The following RHCE variants were observed in gnomAD, a reference collection of about 807,000 sequenced individuals.
The protein encoded by RHCE is Rh blood group CcEe antigens.
RHCE carries 22 observed loss-of-function variants against 43.8 expected under a neutral mutation model. The ratio of observed to expected loss-of-function variants is 0.50; its 90% confidence interval spans 0.36 to 0.72. RHCE has a LOEUF of 0.72. Ranked by LOEUF, RHCE falls within the 30% of genes least tolerant of loss-of-function variation. The pLI, the probability that RHCE is intolerant of heterozygous loss-of-function variation, is 0.00. For missense variants in RHCE, 385 were observed against 525.4 expected, an observed-to-expected ratio of 0.73 and a Z score of 2.61; for synonymous variants, 156 against 210.7, an observed-to-expected ratio of 0.74 and a Z score of 2.25.
chr1:25,419,634 A>T (rs555254651), intron 1 of RHCE: 2 of 151,870 alleles, frequency 1.3e-5, no homozygotes, highest in East Asian at 1.9e-4. Flanking sequence ...CAATATTTTT[A>T]AAAAAGCAAA....
chr1:25,401,823 C>G (rs1473078151), intron 3 of RHCE, among the ~76,000 whole-genome samples: 1 of 152,120 alleles, frequency 6.6e-6, no homozygotes, highest in Non-Finnish European at 1.5e-5. Flanking sequence ...ACAGACCACA[C>G]TTTTGTAACC....
intron 7 of RHCE, among the ~76,000 whole-genome samples, chr1:25,381,285 A>G (rs971591169): frequency 2.0e-5 from 3 of 152,116 alleles, no homozygotes; most frequent in African/African-American, 7.2e-5. Flanking sequence ...CTTCAGTTCC[A>G]TCTGAGACCT....
In RHCE at chr1:25,362,602, A is replaced by AT. The variant is rs1190304945; in HGVS notation, c.1228-50dup. Reference sequence around the variant, plus strand: ...TTATTGCAGATGAACCCACATACTGATTTTGGCTTGATCTCTTGAAACAGC... The same window carrying AT: ...TTATTGCAGATGAACCCACATACTGATTTTTGGCTTGATCTCTTGAAACAGC... On this transcript the variant is annotated intron_variant, in intron 9 of 9. Coordinates refer to ENST00000294413, the MANE Select transcript of RHCE (RefSeq NM_020485.8). 4 of 1,347,848 alleles carry AT rather than the reference A, an allele frequency of 3.0e-6. No individual in the cohort carries two copies. The East Asian group carries it at 7.0e-5, about 24-fold the overall frequency. 83.5% of individuals were successfully genotyped at this position (1,347,848 alleles called of 1,614,324 possible). A position where few individuals can be genotyped will look rare whatever the true frequency, so the allele number is the denominator to read the frequency against.
At chr1:25,427,411 G>A (rs1032090375) in intron 2 of RHCE, among the ~76,000 whole-genome samples, 30 of 152,212 alleles carry the variant, frequency 2.0e-4, no homozygotes, top group African/African-American at 5.5e-4. Flanking sequence ...TTTGTAAAAT[G>A]GCCACTGCTG....
intron 7 of RHCE, among the ~76,000 whole-genome samples, chr1:25,382,824 C>G (rs1292971876): frequency 6.6e-6 from 1 of 152,144 alleles, no homozygotes; most frequent in Non-Finnish European, 1.5e-5. Flanking sequence ...TTGAGGACAA[C>G]ATTCATGAAT....
intron 2 of RHCE, among the ~76,000 whole-genome samples, chr1:25,426,960 G>A (rs1021131483): frequency 1.3e-5 from 2 of 152,128 alleles, no homozygotes; most frequent in Non-Finnish European, 2.9e-5. Flanking sequence ...TGGAGGCTGA[G>A]GCAGGAGAAT....
chr1:25,401,057 A>C (rs1296900079), intron 3 of RHCE, among the ~76,000 whole-genome samples: 1 of 152,198 alleles, frequency 6.6e-6, no homozygotes, highest in Middle Eastern at 3.2e-3. Context: ...CAGAAGCCAG[A>C]GTATCTTAAA....
intron 7 of RHCE, among the ~76,000 whole-genome samples, chr1:25,379,507 T>A (rs1270511594): frequency 1.7e-3 from 114 of 65,544 alleles, no homozygotes; most frequent in African/African-American, 3.9e-3. Context: ...TTTTTTTTTT[T>A]TTTTTTTTTT....
chr1:25,376,532 A>T (rs1422966345), intron 7 of RHCE, among the ~76,000 whole-genome samples: 1 of 152,214 alleles, frequency 6.6e-6, no homozygotes, highest in African/African-American at 2.4e-5. Flanking sequence ...CTGATTGTTC[A>T]TTATAAAGTG....
chr1:25,383,180 T>C (rs970819539), intron 7 of RHCE, among the ~76,000 whole-genome samples: 2 of 152,222 alleles, frequency 1.3e-5, no homozygotes, highest in African/African-American at 4.8e-5. Context: ...TTCAATGCCA[T>C]TTCAGTGTGC....
At chr1:25,399,818 C>T (rs1443561203) in intron 3 of RHCE, among the ~76,000 whole-genome samples, 1 of 152,026 alleles carries the variant, frequency 6.6e-6, no homozygotes, top group Non-Finnish European at 1.5e-5. Context: ...TCCCCATAGA[C>T]GTATCAAAAT....
At chr1:25,411,473 C>T (rs371760222) in intron 1 of RHCE, 2 of 1,546,830 alleles carry the variant, frequency 1.3e-6, no homozygotes, top group Non-Finnish European at 8.7e-7. Flanking sequence ...TACACACACC[C>T]AGGGTCTGCC....
At chr1:25,404,509 G>A (rs886731472) in intron 2 of RHCE, among the ~76,000 whole-genome samples, 1 of 150,968 alleles carries the variant, frequency 6.6e-6, no homozygotes, top group African/African-American at 2.5e-5. Flanking sequence ...ATCGTGCCTG[G>A]ACAGGTTATT....
At chr1:25,373,762 T>TATA (rs1645685618) in intron 8 of RHCE, among the ~76,000 whole-genome samples, 1 of 151,716 alleles carries the variant, frequency 6.6e-6, no homozygotes, top group African/African-American at 2.4e-5. Flanking sequence ...TAGGGACACA[T>TATA]ATATGGGTGT....
At chr1:25,403,494 C>T (rs1646819154) in intron 2 of RHCE, among the ~76,000 whole-genome samples, 1 of 151,692 alleles carries the variant, frequency 6.6e-6, no homozygotes, top group African/African-American at 2.4e-5. Context: ...AATGAGCATG[C>T]TCAGGAGGAG....
chr1:25,420,925 G>A, upstream of RHCE: 1 of 1,543,474 alleles, frequency 6.5e-7, no homozygotes, highest in South Asian at 1.2e-5. Flanking sequence ...TGGCTGTGCT[G>A]GCCTGTCTAT....
intron 9 of RHCE, among the ~76,000 whole-genome samples, chr1:25,368,456 G>GC (rs1247048244): frequency 1.7e-5 from 2 of 117,076 alleles, no homozygotes; most frequent in Non-Finnish European, 3.4e-5. Flanking sequence ...AGCACCCAGA[G>GC]CCCCCGCACC....
At chr1:25,379,495 ATTTTTTT>A (rs770791604) in intron 7 of RHCE, among the ~76,000 whole-genome samples, 65 of 26,976 alleles carry the variant, frequency 2.4e-3, no homozygotes, top group Non-Finnish European at 3.0e-3. Context: ...ATATATATAT[ATTTTTTT>A]TTTTTTTTTT....
In RHCE at chr1:25,420,628, T is replaced by C. The variant is rs370081028; in HGVS notation, c.148+11A>G. On this transcript the variant is annotated intron_variant, in intron 1 of 9. Coordinates refer to ENST00000294413, the MANE Select transcript of RHCE (RefSeq NM_020485.8). ...TTTGCTCCTGTGACCACTGTTCCAA[T>C]GAACTCTCACCTTGATAGGATGCCA... The C allele has an allele frequency of 2.5e-5, 40 of 1,613,892 alleles. No homozygotes were observed. The highest frequency in any genetic ancestry group is 1.6e-4 in the African/African-American group (12 of 75,022).
Sources: allele counts gnomAD v4.1 joint callset (sites outside exome capture counted in the v4.1 genomes callset), GRCh38; gene constraint gnomAD v4.1.1; transcripts MANE v1.5; gene names NCBI Gene and HGNC (gene_info 2026-07-23, HGNC 2026-07-21).